USH2A: variants seen among roughly 807,000 people sequenced by gnomAD.
USH2A encodes the protein Usher syndrome 2A (autosomal recessive, mild).
In USH2A, 443 loss-of-function variants were observed where a neutral mutation model predicts 538.9. The ratio of observed to expected loss-of-function variants is 0.82; its 90% CI spans 0.76 to 0.89. USH2A has a LOEUF of 0.89. Ranked by LOEUF, USH2A falls within the 40% of genes least tolerant of loss-of-function variation. The probability of loss-of-function intolerance (pLI) is 0.00; values close to 1 mark genes in which losing one functional copy is unlikely to be tolerated. For synonymous variants in USH2A, 2,413 were observed against 2,273.5 expected (o/e 1.06, Z -1.75); for missense variants, 6,633 against 6,324.8 (o/e 1.05, Z -1.65).
At chr1:215,746,899 T>A (rs1660488584) in intron 58 of USH2A, among the ~76,000 whole-genome samples, 1 of 152,152 alleles carries the variant, frequency 6.6e-6, no homozygotes, top group Non-Finnish European at 1.5e-5. Context: ...GATTTCCCTG[T>A]TTGAGGAAGG....
At chr1:215,784,816 C>T (rs1661747918) in intron 52 of USH2A, among the ~76,000 whole-genome samples, 1 of 152,098 alleles carries the variant, frequency 6.6e-6, no homozygotes, top group African/African-American at 2.4e-5. Context: ...TTTAAAAGCC[C>T]TCATAACATT....
chr1:216,117,755 A>C (rs895838445), intron 21 of USH2A, among the ~76,000 whole-genome samples: 1 of 151,352 alleles, frequency 6.6e-6, no homozygotes, highest in Non-Finnish European at 1.5e-5. Flanking sequence ...CCTCACTCTG[A>C]CCTCATATAC....
Position 216,325,473 on chromosome 1 carries a change from T to G in USH2A, c.975A>C (p.Gly325=). ...GTGACACTCTATTATCAGCTGTGTC[T>G]CCTGCATCATTAGGAATGCAGTACC... is the stretch of plus-strand genomic sequence containing the variant. The part of the protein sequence containing the change: ...AQRYCIPNDA[G]DTADNRVSRL... Residue 325 remains glycine (G), a synonymous_variant, in exon 6 of 72, where the codon GGA becomes GGC. Coordinates refer to ENST00000307340, the MANE Select transcript of USH2A (RefSeq NM_206933.4). The G allele has an allele frequency of 6.2e-7, 1 of 1,613,908 alleles. No homozygotes were observed. Among genetic ancestry groups the G allele is most frequent in the Non-Finnish European group, 8.5e-7 (1 of 1,179,928 alleles).
intron 21 of USH2A, among the ~76,000 whole-genome samples, chr1:216,141,101 T>G (rs918481098): frequency 6.6e-6 from 1 of 152,224 alleles, no homozygotes; most frequent in African/African-American, 2.4e-5. Context: ...TCCATCAACC[T>G]TCATAATTTG....
intron 11 of USH2A, among the ~76,000 whole-genome samples, chr1:216,275,633 T>C (rs1265760995): frequency 6.6e-6 from 1 of 152,002 alleles, no homozygotes; most frequent in Non-Finnish European, 1.5e-5. Context: ...ATAAATCAGG[T>C]TTTCTAAAAA....
intron 44 of USH2A, among the ~76,000 whole-genome samples, chr1:215,850,420 C>T (rs1261169446): frequency 6.6e-6 from 1 of 152,104 alleles, no homozygotes; most frequent in Non-Finnish European, 1.5e-5. Flanking sequence ...ACTACATTTT[C>T]TGGGCCCCAT....
At chr1:215,653,214 G>T (rs1271463622) in intron 64 of USH2A, among the ~76,000 whole-genome samples, 1 of 152,142 alleles carries the variant, frequency 6.6e-6, no homozygotes, top group Non-Finnish European at 1.5e-5. Flanking sequence ...TGGAGTTCTA[G>T]TTCCAAAATG....
rs146274743 is a variant in USH2A at position 216,130,926 on chromosome 1, C to T, written c.4628-33713G>A. Among the ~76,000 whole-genome samples the T allele has an allele frequency of 1.1e-4, 16 of 151,950 alleles. No individual in the cohort carries two copies. The South Asian group carries it at 1.7e-3, about 16-fold the overall frequency. ...TTGTACTAGTTTACATTCTCACTAG[C>T]GGTGAAGAAATGCTCCCTGTTCACC... On this transcript the variant is annotated intron_variant, in intron 21 of 71. Transcript: ENST00000307340.
intron 21 of USH2A, among the ~76,000 whole-genome samples, chr1:216,134,959 GGCCA>G (rs1048052973): frequency 2.0e-5 from 3 of 151,948 alleles, no homozygotes; most frequent in Non-Finnish European, 4.4e-5. Context: ...GTAAGTCTCT[GGCCA>G]GCAAGAGTTG....
At chr1:216,094,327 A>G (rs2032385928) in intron 22 of USH2A, among the ~76,000 whole-genome samples, 1 of 152,128 alleles carries the variant, frequency 6.6e-6, no homozygotes, top group Admixed American at 6.6e-5. Flanking sequence ...CTATTTATTT[A>G]ACGAAAACAA....
At chr1:216,417,142 G>A (rs955369535) in intron 3 of USH2A, among the ~76,000 whole-genome samples, 12 of 151,858 alleles carry the variant, frequency 7.9e-5, no homozygotes, top group African/African-American at 2.7e-4. Context: ...CCCTAGTTGT[G>A]TATGAAAACT....
intron 32 of USH2A, among the ~76,000 whole-genome samples, chr1:216,013,777 T>C (rs1197310454): frequency 6.6e-6 from 1 of 152,116 alleles, no homozygotes; most frequent in East Asian, 1.9e-4. Context: ...TGACTCTCTT[T>C]TCGGACTCAG....
Position 216,322,616 on chromosome 1 carries a change from A to G in USH2A, c.1551-640T>C, listed in dbSNP as rs946043978. On this transcript the variant is annotated intron_variant, in intron 8 of 71. Coordinates refer to ENST00000307340, the MANE Select transcript of USH2A (RefSeq NM_206933.4). Reference sequence around the variant, plus strand: ...AGCAAAAGCCTGTCAAAAAAAAAAAAAAAAGAAAGAAAAAAGAATATAAAG... The same window carrying G: ...AGCAAAAGCCTGTCAAAAAAAAAAAGAAAAGAAAGAAAAAAGAATATAAAG... 9.7e-4 allele frequency among the ~76,000 whole-genome samples: 148 copies of G among 152,078 alleles called. 1 individual carries two copies. The highest frequency in any genetic ancestry group is 3.4e-3 in the African/African-American group (142 of 41,512).
intron 27 of USH2A, among the ~76,000 whole-genome samples, chr1:216,074,995 C>A (rs2031699636): frequency 1.3e-5 from 2 of 151,966 alleles, no homozygotes; most frequent in South Asian, 4.1e-4. Flanking sequence ...AAAATGGTTA[C>A]AATGGTAAAT....
intron 14 of USH2A, among the ~76,000 whole-genome samples, chr1:216,226,731 A>G (rs903061032): frequency 2.0e-5 from 3 of 152,166 alleles, no homozygotes; most frequent in Admixed American, 6.5e-5. Flanking sequence ...CCTTTATTCT[A>G]CACAGGCCCC....
At chr1:216,045,590 GA>G in intron 32 of USH2A, among the ~76,000 whole-genome samples, 1 of 152,298 alleles carries the variant, frequency 6.6e-6, no homozygotes, top group South Asian at 2.1e-4. Flanking sequence ...GCTCATGTGA[GA>G]GAGGCATTTA....
chr1:215,813,786 G>T lies in USH2A; in HGVS notation c.9689C>A (p.Ala3230Glu), dbSNP rs748701649. The T allele has an allele frequency of 6.2e-7, 1 of 1,613,894 alleles. No individual in the cohort carries two copies. Among genetic ancestry groups the T allele is most frequent in the Non-Finnish European group, 8.5e-7 (1 of 1,179,874 alleles). Residue 3230 changes from alanine to glutamate, a missense_variant, in exon 49 of 72, where the codon GCA becomes GAA. Physicochemically the swap from Ala to Glu is moderately radical, Grantham distance 107. Coordinates refer to ENST00000307340, the MANE Select transcript of USH2A (RefSeq NM_206933.4). ...AGAGCAGCACTGATGATTTGGTTGTGCCTCCTGTATTCGGCCACCACAACA... is the reference window on the plus strand; with the variant it reads ...AGAGCAGCACTGATGATTTGGTTGTTCCTCCTGTATTCGGCCACCACAACA... ...GVCCGGRIQE[A>E]QPNHQCCSGY...
chr1:216,369,471 C>T (rs2038661208), intron 3 of USH2A, among the ~76,000 whole-genome samples: 1 of 152,188 alleles, frequency 6.6e-6, no homozygotes, highest in South Asian at 2.1e-4. Flanking sequence ...TCACACACCA[C>T]TTAATCTCAT....
rs1263537900 is a variant in USH2A at position 216,230,480 on chromosome 1, T to G, written c.2993+1473A>C. Among the ~76,000 whole-genome samples the G allele has an allele frequency of 3.9e-5, 6 of 152,302 alleles. No individual in the cohort carries two copies. The South Asian group carries it at 1.0e-3, about 26-fold the overall frequency. ...TCACAGATTAAAATATATGCATGTA[T>G]GTCAAGAAAACAAAAATTATTTTAA... On this transcript the variant is annotated intron_variant, in intron 14 of 71. Transcript: ENST00000307340.
Sources: gnomAD v4.1 joint callset for allele counts (sites outside exome capture counted in the v4.1 genomes callset) on GRCh38, gnomAD v4.1.1 for gene constraint, MANE v1.5 for transcripts, NCBI Gene and HGNC (gene_info 2026-07-23, HGNC 2026-07-21) for gene names.